Variants in CSMD1 observed in about 807,000 individuals in gnomAD.
CSMD1 encodes CUB and sushi domain-containing protein 1.
Under a neutral mutation model 417.5 loss-of-function variants are expected in CSMD1, and 213 were observed. That is an observed-to-expected ratio of 0.51 (90% CI 0.46 to 0.57). The LOEUF (loss-of-function observed/expected upper bound fraction) is 0.57. Ranked by LOEUF, CSMD1 falls within the 20% of genes least tolerant of loss-of-function variation. CSMD1 has a pLI of 0.00. For synonymous variants in CSMD1, 2,862 were observed against 1,736.8 expected (o/e 1.65, Z -16.11); for missense variants, 6,923 against 4,529.7 (o/e 1.53, Z -15.17).
intron 5 of CSMD1, among the ~76,000 whole-genome samples, chr8:3,936,791 T>C (rs768077570): frequency 5.3e-5 from 8 of 152,286 alleles, no homozygotes; most frequent in Non-Finnish European, 7.4e-5. Context: ...CTTTCAATTA[T>C]TGTTATTTAA....
intron 1 of CSMD1, among the ~76,000 whole-genome samples, chr8:4,927,871 G>C (rs1806976546): frequency 6.6e-6 from 1 of 152,144 alleles, no homozygotes; most frequent in African/African-American, 2.4e-5. Flanking sequence ...ATTCTACCAA[G>C]ATTCCCCAAA....
intron 1 of CSMD1, among the ~76,000 whole-genome samples, chr8:4,889,238 A>T (rs28434279): frequency 0.41 from 61,583 of 151,986 alleles, 12,746 homozygotes; most frequent in Middle Eastern, 0.48. Flanking sequence ...GACTCTGAAA[A>T]CACAAAATTA....
At chr8:2,973,717 G>C (rs992542016) in intron 56 of CSMD1, among the ~76,000 whole-genome samples, 3 of 151,590 alleles carry the variant, frequency 2.0e-5, no homozygotes, top group African/African-American at 7.3e-5. Flanking sequence ...ATTGTGTCCA[G>C]AGTTGCTGGT....
At chr8:4,413,712 C>T (rs1008743316) in intron 3 of CSMD1, among the ~76,000 whole-genome samples, 7 of 152,072 alleles carry the variant, frequency 4.6e-5, no homozygotes, top group African/African-American at 1.7e-4. Context: ...TGTCATTTAA[C>T]ATTGATTAGG....
At chr8:4,245,553 G>C (rs907654721) in intron 3 of CSMD1, among the ~76,000 whole-genome samples, 1 of 152,180 alleles carries the variant, frequency 6.6e-6, no homozygotes, top group Non-Finnish European at 1.5e-5. Context: ...CTAAACATGA[G>C]GTGTGTAGAG....
chr8:3,083,574 C>T (rs1424244889), intron 49 of CSMD1, among the ~76,000 whole-genome samples: 1 of 125,998 alleles, frequency 7.9e-6, no homozygotes, highest in African/African-American at 3.1e-5. Flanking sequence ...TATTCCAGGT[C>T]ATGCTCTCCA....
chr8:3,416,191 A>G (rs776189343), intron 12 of CSMD1, among the ~76,000 whole-genome samples: 74 of 149,124 alleles, frequency 5.0e-4, no homozygotes, highest in Middle Eastern at 3.5e-3. Flanking sequence ...ATTCCCAGCT[A>G]CTCGGGAGGC....
chr8:4,278,452 A>C (rs541181178), intron 3 of CSMD1, among the ~76,000 whole-genome samples: 156 of 152,304 alleles, frequency 1.0e-3, no homozygotes, highest in African/African-American at 3.5e-3. Flanking sequence ...TAGCTATATA[A>C]AATATAATTT....
intron 12 of CSMD1, among the ~76,000 whole-genome samples, chr8:3,455,336 G>C (rs184684654): frequency 6.6e-6 from 1 of 152,248 alleles, no homozygotes; most frequent in African/African-American, 2.4e-5. Context: ...TCTGTCCAAC[G>C]TTGCTCCATT....
chr8:4,604,877 T>A (rs1800785897), intron 2 of CSMD1, among the ~76,000 whole-genome samples: 1 of 152,238 alleles, frequency 6.6e-6, no homozygotes, highest in South Asian at 2.1e-4. Flanking sequence ...ATTGAAGATT[T>A]ACTTTGACTC....
At chr8:4,841,938 A>AACAAAACAAAAAAAG (rs1800867798) in intron 1 of CSMD1, among the ~76,000 whole-genome samples, 1 of 143,694 alleles carries the variant, frequency 7.0e-6, no homozygotes, top group African/African-American at 2.6e-5. Context: ...AAAAAAAAAA[A>AACAAAACAAAAAAAG]GTTCAGAACA....
intron 1 of CSMD1, among the ~76,000 whole-genome samples, chr8:4,848,814 G>A (rs943822435): frequency 3.3e-5 from 5 of 152,204 alleles, no homozygotes; most frequent in Non-Finnish European, 7.3e-5. Context: ...AAAGTGCTGG[G>A]ATTACAGGCG....
chr8:3,416,672 C>T (rs1813171595), intron 12 of CSMD1, among the ~76,000 whole-genome samples: 1 of 152,238 alleles, frequency 6.6e-6, no homozygotes. Context: ...CTGCTGTGGC[C>T]ACATCCCCTG....
chr8:4,361,369 T>C (rs2128907709), intron 3 of CSMD1, among the ~76,000 whole-genome samples: 1 of 144,014 alleles, frequency 6.9e-6, no homozygotes, highest in East Asian at 2.0e-4. Context: ...TTTTAATTGA[T>C]TTAATGTAGC....
chr8:4,163,339 G>A (rs531014824), intron 3 of CSMD1, among the ~76,000 whole-genome samples: 9 of 152,188 alleles, frequency 5.9e-5, no homozygotes, highest in Admixed American at 2.0e-4. Flanking sequence ...GTTCCATTTC[G>A]CATTCCCATC....
At chr8:4,886,107 C>G (rs1803722839) in intron 1 of CSMD1, among the ~76,000 whole-genome samples, 1 of 152,108 alleles carries the variant, frequency 6.6e-6, no homozygotes, top group Non-Finnish European at 1.5e-5. Flanking sequence ...CCTCCTGCCT[C>G]AGCCTCCTGA....
intron 1 of CSMD1, among the ~76,000 whole-genome samples, chr8:4,645,628 G>A (rs529072791): frequency 1.3e-5 from 2 of 152,090 alleles, no homozygotes; most frequent in South Asian, 2.1e-4. Context: ...ATTGTAGACT[G>A]GCAAAAAGAG....
chr8:3,855,479 A>T (rs73172281), intron 5 of CSMD1, among the ~76,000 whole-genome samples: 3 of 152,194 alleles, frequency 2.0e-5, no homozygotes, highest in African/African-American at 7.2e-5. Flanking sequence ...TGTGCTAGTT[A>T]TGAAGATATA....
chr8:3,496,736 G>T (rs915842396), intron 10 of CSMD1, among the ~76,000 whole-genome samples: 4 of 152,088 alleles, frequency 2.6e-5, no homozygotes, highest in African/African-American at 9.7e-5. Flanking sequence ...TGAGGCAGGA[G>T]AATCACTTGA....
Sources: gnomAD v4.1 joint callset for allele counts (sites outside exome capture counted in the v4.1 genomes callset) on GRCh38, gnomAD v4.1.1 for gene constraint, MANE v1.5 for transcripts, NCBI Gene and HGNC (gene_info 2026-07-23, HGNC 2026-07-21) for gene names.